The following HUNK variants were observed in gnomAD, a reference collection of about 807,000 sequenced individuals.
The protein encoded by HUNK is hormonally up-regulated neu tumor-associated kinase.
HUNK carries 21 observed loss-of-function variants against 61.0 expected under a neutral mutation model. The observed-to-expected ratio is 0.34, with a 90% CI of 0.24 to 0.50. The LOEUF (loss-of-function observed/expected upper bound fraction) is 0.50, where lower values mean the gene tolerates loss of function less well. Ranked by LOEUF, HUNK falls within the 20% of genes least tolerant of loss-of-function variation. The probability of loss-of-function intolerance (pLI) is 0.98; values close to 1 mark genes in which losing one functional copy is unlikely to be tolerated. For synonymous variants in HUNK, 371 were observed against 386.1 expected, an observed-to-expected ratio of 0.96 and a Z score of 0.46; for missense variants, 772 against 945.7, an observed-to-expected ratio of 0.82 and a Z score of 2.41.
intron 1 of HUNK, among the ~76,000 whole-genome samples, chr21:31,907,497 T>C (rs2052514250): frequency 6.6e-6 from 1 of 152,186 alleles, no homozygotes; most frequent in African/African-American, 2.4e-5. Flanking sequence ...GTGGATTCTC[T>C]TGTGCCATTC....
intron 1 of HUNK, among the ~76,000 whole-genome samples, chr21:31,894,123 A>G (rs1380420366): frequency 6.6e-6 from 1 of 152,186 alleles, no homozygotes; most frequent in African/African-American, 2.4e-5. Context: ...TGCCTGTGGG[A>G]CAGGAATGCT....
intron 1 of HUNK, among the ~76,000 whole-genome samples, chr21:31,880,535 C>T (rs983619036): frequency 2.6e-5 from 4 of 152,200 alleles, no homozygotes; most frequent in African/African-American, 9.7e-5. Flanking sequence ...TCTGTCTTCA[C>T]ACAGTGTTCC....
rs144086554 is a variant in HUNK at position 31,892,292 on chromosome 21, G to A, written c.261+18357G>A. Among the ~76,000 whole-genome samples, 362 of 150,272 alleles carry A rather than the reference G, an allele frequency of 2.4e-3. 1 individual carries two copies. The highest frequency in any genetic ancestry group is 3.2e-3 in the Non-Finnish European group (218 of 67,778). On this transcript the variant is annotated intron_variant, in intron 1 of 10. Transcript: ENST00000270112. ...TTAGTCAAGAAAAAAGTGGCCAGACGTGGTGGCTCACACCTGTAATCCCAG... is the reference window on the plus strand; with the variant it reads ...TTAGTCAAGAAAAAAGTGGCCAGACATGGTGGCTCACACCTGTAATCCCAG...
chr21:31,875,013 G>A (rs2052249423), intron 1 of HUNK, among the ~76,000 whole-genome samples: 1 of 152,138 alleles, frequency 6.6e-6, no homozygotes, highest in Admixed American at 6.5e-5. Context: ...CTGTCATCTC[G>A]GGCTCAAGAC....
chr21:31,936,887 T>C (rs1295040452), intron 2 of HUNK, among the ~76,000 whole-genome samples: 1 of 152,196 alleles, frequency 6.6e-6, no homozygotes, highest in African/African-American at 2.4e-5. Context: ...CTCTTTAGGA[T>C]GTTTTTCCCC....
Position 31,974,601 on chromosome 21 carries a change from G to C in HUNK, c.1057G>C (p.Glu353Gln). 1 of 1,613,996 alleles carries C rather than the reference G, an allele frequency of 6.2e-7. No homozygotes were observed. ...LSPSVVLHMT[E>Q]KLGYKNSDVI... ...CCCGAGCGTCGTGCTGCACATGACCGAGAAGCTGGGTTACAAGAACAGCGA... is the reference window on the plus strand; with the variant it reads ...CCCGAGCGTCGTGCTGCACATGACCCAGAAGCTGGGTTACAAGAACAGCGA... Residue 353 changes from glutamate to glutamine, a missense_variant, in exon 7 of 11, where the codon GAG (glutamate) becomes CAG (glutamine). Glu to Gln is a conservative substitution (Grantham distance 29). Coordinates refer to ENST00000270112, the MANE Select transcript of HUNK (RefSeq NM_014586.2).
intron 1 of HUNK, among the ~76,000 whole-genome samples, chr21:31,879,845 T>C (rs1289351887): frequency 6.6e-6 from 1 of 152,178 alleles, no homozygotes; most frequent in Non-Finnish European, 1.5e-5. Flanking sequence ...CTGTCGATTA[T>C]TTATGGTAAC....
intron 4 of HUNK, among the ~76,000 whole-genome samples, chr21:31,951,975 A>T (rs1000419187): frequency 2.0e-5 from 3 of 152,084 alleles, no homozygotes; most frequent in African/African-American, 7.2e-5. Context: ...TTGACTTTTG[A>T]GAGAGAGGTT....
rs2053241317 is a variant in HUNK, at chr21:32,000,907, G to A, written c.*1723G>A. 2.5e-6 allele frequency: 1 copy of A among 397,258 alleles called. No homozygotes were observed. Among genetic ancestry groups the A allele is most frequent in the East Asian group, 3.6e-5 (1 of 28,052 alleles). The allele number at this position is 397,258 out of a possible 1,614,324, so 24.6% of individuals were successfully genotyped here. A position where few individuals can be genotyped will look rare whatever the true frequency, so the allele number is the denominator to read the frequency against. Reference sequence around the variant, plus strand: ...CGGCTCTAGGGCATTCTAGGATGAGGTCAGACCCCTTGGCCATTGGTGTTA... The same window carrying A: ...CGGCTCTAGGGCATTCTAGGATGAGATCAGACCCCTTGGCCATTGGTGTTA... On this transcript the variant is annotated 3_prime_UTR_variant, in exon 11 of 11. Transcript: ENST00000270112.
rs757164700 is a variant in HUNK at position 31,983,509 on chromosome 21, C to CT, written c.1174-13dup. The CT allele has an allele frequency of 6.2e-7, 1 of 1,603,348 alleles. No homozygotes were observed. Among genetic ancestry groups the CT allele is most frequent in the African/African-American group, 1.3e-5 (1 of 74,736 alleles). On this transcript the variant is annotated splice_polypyrimidine_tract_variant and intron_variant, in intron 7 of 10. Coordinates refer to ENST00000270112, the MANE Select transcript of HUNK (RefSeq NM_014586.2). Reference sequence around the variant, plus strand: ...TTCTGAGAGTTGAGCTGTGCTTTTTCTTTTCTCCTCTGGTAGAAATCTGAC... The same window carrying CT: ...TTCTGAGAGTTGAGCTGTGCTTTTTCTTTTTCTCCTCTGGTAGAAATCTGAC...
chr21:31,992,561 G>A (rs1178954621), intron 9 of HUNK, among the ~76,000 whole-genome samples: 1 of 152,192 alleles, frequency 6.6e-6, no homozygotes, highest in African/African-American at 2.4e-5. Context: ...CGAACCGAGA[G>A]CTTGAATTCC....
intron 1 of HUNK, among the ~76,000 whole-genome samples, chr21:31,918,549 G>C (rs567489567): frequency 6.6e-6 from 1 of 152,290 alleles, no homozygotes; most frequent in Non-Finnish European, 1.5e-5. Flanking sequence ...GTAGGGCCAC[G>C]CTTCCTCCAG....
intron 9 of HUNK, among the ~76,000 whole-genome samples, chr21:31,991,931 G>A (rs377547295): frequency 2.0e-5 from 3 of 152,356 alleles, no homozygotes; most frequent in East Asian, 1.9e-4. Flanking sequence ...CAAGTGTGAT[G>A]TGTGTTCATT....
chr21:31,903,615 C>T (rs75567074), intron 1 of HUNK, among the ~76,000 whole-genome samples: 4,165 of 152,202 alleles, frequency 0.027, 91 homozygotes, highest in Middle Eastern at 0.11. Context: ...CTGGATAGAA[C>T]AGAAATGTTT....
intron 1 of HUNK, among the ~76,000 whole-genome samples, chr21:31,898,518 C>T (rs1163953325): frequency 1.3e-5 from 2 of 152,164 alleles, no homozygotes; most frequent in African/African-American, 4.8e-5. Flanking sequence ...CTGCCCACCT[C>T]GGCTTCCCAA....
At chr21:31,988,959 T>A (rs2053153172) in intron 8 of HUNK, among the ~76,000 whole-genome samples, 1 of 151,970 alleles carries the variant, frequency 6.6e-6, no homozygotes, top group Non-Finnish European at 1.5e-5. Flanking sequence ...GCCTCTCTAG[T>A]AGCTGGGACT....
intron 1 of HUNK, among the ~76,000 whole-genome samples, chr21:31,876,624 C>A (rs2052264218): frequency 6.6e-6 from 1 of 152,136 alleles, no homozygotes; most frequent in African/African-American, 2.4e-5. Flanking sequence ...AGGTGAGCTA[C>A]TAAGATGATT....
Position 31,998,738 on chromosome 21 carries a change from C to G in HUNK, c.1699C>G (p.Arg567Gly), listed in dbSNP as rs141493785. The change falls in exon 11 of 11, where the codon CGC (arginine) becomes GGC (glycine). Residue 567 changes from arginine to glycine, a missense_variant. Physicochemically the swap from Arg to Gly is moderately radical, Grantham distance 125. This residue lies in a region of HUNK where 413 missense variants were observed against 444.4 expected (regional missense o/e 0.93). Transcript: ENST00000270112. Reference sequence around the variant, plus strand: ...GGTGCGCTCCTTCGAGTCTGTGGATCGCGACGACCACGTAGAAGTGCTGTC... The same window carrying G: ...GGTGCGCTCCTTCGAGTCTGTGGATGGCGACGACCACGTAGAAGTGCTGTC... ...DMVRSFESVDRDDHVEVLSPS... is the reference protein window; with the variant it reads ...DMVRSFESVDGDDHVEVLSPS... The G allele has an allele frequency of 6.2e-7, 1 of 1,614,090 alleles. No homozygotes were observed. The highest frequency in any genetic ancestry group is 8.5e-7 in the Non-Finnish European group (1 of 1,180,010).
chr21:31,894,255 AAGAAAGAAAAGAGAAAGG>A (rs1270525268), intron 1 of HUNK, among the ~76,000 whole-genome samples: 2 of 152,208 alleles, frequency 1.3e-5, no homozygotes, highest in African/African-American at 2.4e-5. Flanking sequence ...AAGGGAAAGG[AAGAAAGAAAAGAGAAAGG>A]AGAAAATAGC....
Sources: gnomAD v4.1 joint callset for allele counts (sites outside exome capture counted in the v4.1 genomes callset) on GRCh38, gnomAD v4.1.1 for gene constraint, gnomAD v4.1.1 regional missense constraint, MANE v1.5 for transcripts, NCBI Gene and HGNC (gene_info 2026-07-23, HGNC 2026-07-21) for gene names.